MPP2: variants seen among roughly 807,000 people sequenced by gnomAD.
MPP2 encodes MAGUK p55 subfamily member 2.
MPP2 carries 42 observed loss-of-function variants against 58.5 expected under a neutral mutation model. The observed-to-expected ratio is 0.72, with a 90% CI of 0.56 to 0.93. MPP2 has a LOEUF of 0.93. Among genes scored for constraint, MPP2 ranks in the 40% least tolerant of loss-of-function variants. The pLI is 0.00. For synonymous variants in MPP2, 300 were observed against 307.8 expected, an observed-to-expected ratio of 0.97 and a Z score of 0.26; for missense variants, 632 against 760.4, an observed-to-expected ratio of 0.83 and a Z score of 1.99.
chr17:43,881,289 G>A lies in MPP2; in HGVS notation c.874C>T (p.Arg292Trp), dbSNP rs770872796. Residue 292 changes from arginine to tryptophan, a missense_variant, in exon 8 of 13, where the codon CGG (arginine) becomes TGG (tryptophan). Coordinates refer to ENST00000269095, the MANE Select transcript of MPP2 (RefSeq NM_005374.5). The part of the protein sequence containing the change: ...LIPSQLLEEK[R>W]KAFVKRDLEL... ...AGGTCCCTCTTGACAAATGCTTTCC[G>A]CTTCTCCTCCAGCAGCTGGCTGGGA... 6.2e-7 allele frequency: 1 copy of A among 1,613,962 alleles called. No individual in the cohort carries two copies. The highest frequency in any genetic ancestry group is 1.3e-5 in the African/African-American group (1 of 74,958).
chr17:43,908,295 G>T (rs59071383), upstream of MPP2, among the ~76,000 whole-genome samples: 1,761 of 152,298 alleles, frequency 0.012, 32 homozygotes, highest in African/African-American at 0.039. Context: ...TCCAAATACG[G>T]GAGGCTCTGT....
Position 43,881,260 on chromosome 17 carries a change from C to G in MPP2, c.903G>C (p.Glu301Asp). ...ACCTCCTACCTGAGTTTGGTGTCAG[C>G]TCCAGGTCCCTCTTGACAAATGCTT... ...KRKAFVKRDL[E>D]LTPNSGTLCG... The change falls in exon 8 of 13, where the codon GAG (glutamate) becomes GAC (aspartate). Residue 301 changes from glutamate to aspartate, a missense_variant. By Grantham distance (45) the Glu-to-Asp change is conservative (BLOSUM62 2). Transcript: ENST00000269095. The G allele has an allele frequency of 6.2e-7, 1 of 1,614,080 alleles. No homozygotes were observed. Among genetic ancestry groups the G allele is most frequent in the South Asian group, 1.1e-5 (1 of 91,078 alleles).
chr17:43,881,649 G>T, intron 6 of MPP2, 60 bp from the exon 7 acceptor site: 1 of 1,580,168 alleles, frequency 6.3e-7, no homozygotes, highest in Non-Finnish European at 8.6e-7. Flanking sequence ...GCAGGTGGAG[G>T]TCTACCCCAT....
intron 3 of MPP2, among the ~76,000 whole-genome samples, chr17:43,893,940 G>T (rs2047710581): frequency 6.6e-6 from 1 of 152,028 alleles, no homozygotes; most frequent in Non-Finnish European, 1.5e-5. Context: ...CTCAAAAACA[G>T]AAGCACCTTA....
rs139058804 is a variant in MPP2, at chr17:43,876,196, T to G, written c.*1611A>C. 1.3e-5 allele frequency: 2 copies of G among 152,636 alleles called. No individual in the cohort carries two copies. Among genetic ancestry groups the G allele is most frequent in the Non-Finnish European group, 2.9e-5 (2 of 68,022 alleles). The allele number at this position is 152,636 out of a possible 1,614,324, so 9.5% of individuals were successfully genotyped here. A position where few individuals can be genotyped will look rare whatever the true frequency, so the allele number is the denominator to read the frequency against. On this transcript the variant is annotated 3_prime_UTR_variant, in exon 13 of 13. Coordinates refer to ENST00000269095, the MANE Select transcript of MPP2 (RefSeq NM_005374.5). ...AATATTCTGTTTATTCTCCTTCCCC[T>G]TCCCTAGGAAATGGGCACACAGTGG... is the stretch of plus-strand genomic sequence containing the variant.
At position 43,877,979 on chromosome 17, in the gene MPP2, G is replaced by A. The variant is rs758820619; in HGVS notation, c.1487C>T (p.Ala496Val). 55 of 1,611,724 alleles carry A rather than the reference G, an allele frequency of 3.4e-5. No homozygotes were observed. Among genetic ancestry groups the A allele is most frequent in the Admixed American group, 5.0e-5 (3 of 59,926 alleles). ...SGISTKQLTE[A>V]DLRRTVEESS... ...CTCCTCCACTGTCCGTCTCAGGTCC[G>A]CCTCCTGCCCAGGCACAAGGGGACC... Residue 496 changes from alanine to valine, a missense_variant, in exon 13 of 13, where the codon GCG becomes GTG. Transcript: ENST00000269095.
intron 3 of MPP2, among the ~76,000 whole-genome samples, chr17:43,897,765 G>A (rs1375599899): frequency 6.6e-6 from 1 of 152,070 alleles, no homozygotes; most frequent in Non-Finnish European, 1.5e-5. Context: ...CCTCCAGGAA[G>A]CCCTCCTCAC....
intron 2 of MPP2, chr17:43,900,570 G>A: frequency 6.5e-7 from 1 of 1,539,722 alleles, no homozygotes; most frequent in Non-Finnish European, 8.8e-7. Context: ...CCCAGACCCG[G>A]GGACTCCCGG....
intron 3 of MPP2, among the ~76,000 whole-genome samples, chr17:43,887,682 C>T (rs937175710): frequency 8.5e-5 from 13 of 152,090 alleles, no homozygotes; most frequent in African/African-American, 3.1e-4. Context: ...TGGCTCACAC[C>T]TGTAATCCCA....
In MPP2 at chr17:43,877,162, C is replaced by G. The variant is rs1237912162; in HGVS notation, c.*645G>C. On this transcript the variant is annotated 3_prime_UTR_variant, in exon 13 of 13. Transcript: ENST00000269095. ...AGCTGTGGATGAGGGAAGGACCGAGCAGCATCTGCCCTGCGACCCTGTCCC... is the reference window on the plus strand; with the variant it reads ...AGCTGTGGATGAGGGAAGGACCGAGGAGCATCTGCCCTGCGACCCTGTCCC... 1.3e-5 allele frequency: 2 copies of G among 152,988 alleles called. No individual in the cohort carries two copies. Among genetic ancestry groups the G allele is most frequent in the African/African-American group, 4.8e-5 (2 of 41,470 alleles). 9.5% of individuals were successfully genotyped at this position (152,988 alleles called of 1,614,324 possible).
chr17:43,896,169 T>C (rs976056028), intron 3 of MPP2, among the ~76,000 whole-genome samples: 6 of 152,084 alleles, frequency 3.9e-5, no homozygotes, highest in South Asian at 2.1e-4. Flanking sequence ...CTTGCTGTCA[T>C]TGCCGACTTC....
chr17:43,888,046 T>G (rs958846951), intron 3 of MPP2, among the ~76,000 whole-genome samples: 3 of 152,326 alleles, frequency 2.0e-5, no homozygotes, highest in Non-Finnish European at 4.4e-5. Context: ...CAGGATATAT[T>G]CTTAAATTTT....
At chr17:43,893,545 G>A (rs572415685) in intron 3 of MPP2, among the ~76,000 whole-genome samples, 3 of 152,284 alleles carry the variant, frequency 2.0e-5, no homozygotes, top group South Asian at 2.1e-4. Context: ...GTACTGATCC[G>A]TGGCCTGTTA....
chr17:43,896,155 T>C (rs1356612758), intron 3 of MPP2, among the ~76,000 whole-genome samples: 1 of 152,068 alleles, frequency 6.6e-6, no homozygotes, highest in Non-Finnish European at 1.5e-5. Flanking sequence ...TCTTTCTCCC[T>C]ACCCTTGCTG....
At chr17:43,898,404 G>A (rs1555611084) in intron 2 of MPP2, 24 bp from the exon 3 acceptor site, 1 of 1,548,744 alleles carries the variant, frequency 6.5e-7, no homozygotes, top group Non-Finnish European at 8.9e-7. Context: ...CGGGCAGTGA[G>A]ATACACAGGT....
intron 3 of MPP2, 140 bp from the exon 4 acceptor site, chr17:43,883,495 A>G: frequency 1.1e-6 from 1 of 877,114 alleles, no homozygotes; most frequent in Non-Finnish European, 1.7e-6. Context: ...CTCACTGACA[A>G]TCATACCCAC....
In MPP2 at chr17:43,879,642, G is replaced by A. The variant is rs1371072403; in HGVS notation, c.1353+140C>T. On this transcript the variant is annotated intron_variant, in intron 11 of 12. Coordinates refer to ENST00000269095, the MANE Select transcript of MPP2 (RefSeq NM_005374.5). This position sits in a 1 kb window ranked among gnomAD's most constrained non-coding sequence, Gnocchi z 4.1. Reference sequence around the variant, plus strand: ...TGGAAGGCTGAGAAAGGTTCCAGGTGGGCTGGGTTTCTAGCAGTAGTTGAG... The same window carrying A: ...TGGAAGGCTGAGAAAGGTTCCAGGTAGGCTGGGTTTCTAGCAGTAGTTGAG... 2.8e-6 allele frequency: 3 copies of A among 1,076,054 alleles called. No individual in the cohort carries two copies. The highest frequency in any genetic ancestry group is 4.0e-6 in the Non-Finnish European group (3 of 745,560). The allele number at this position is 1,076,054 out of a possible 1,614,324, so 66.7% of individuals were successfully genotyped here.
intron 3 of MPP2, among the ~76,000 whole-genome samples, chr17:43,885,860 C>T (rs1046714123): frequency 6.6e-6 from 1 of 152,052 alleles, no homozygotes; most frequent in African/African-American, 2.4e-5. Context: ...CCTGTAATCC[C>T]GCACTTTGGG....
rs1489991754 is a variant in MPP2, at chr17:43,877,596, C to T, written c.*211G>A. On this transcript the variant is annotated 3_prime_UTR_variant, in exon 13 of 13. Coordinates refer to ENST00000269095, the MANE Select transcript of MPP2 (RefSeq NM_005374.5). ...ACCAATGGGCATCAGGAGTGGGCAG[C>T]ACCTGGGCACAAGGTACCCCATGAA... 8.5e-6 allele frequency: 5 copies of T among 587,512 alleles called. No individual in the cohort carries two copies. Among genetic ancestry groups the T allele is most frequent in the African/African-American group, 3.7e-5 (2 of 53,874 alleles). The allele number at this position is 587,512 out of a possible 1,614,324, so 36.4% of individuals were successfully genotyped here. A position where few individuals can be genotyped will look rare whatever the true frequency, so the allele number is the denominator to read the frequency against.
Sources: allele counts gnomAD v4.1 joint callset (sites outside exome capture counted in the v4.1 genomes callset), GRCh38; gene constraint gnomAD v4.1.1; non-coding constraint Gnocchi (gnomAD v3.1); transcripts MANE v1.5; gene names NCBI Gene and HGNC (gene_info 2026-07-23, HGNC 2026-07-21).